SNX22: variants seen among roughly 807,000 people sequenced by gnomAD.
SNX22 encodes sorting nexin-22.
A neutral mutation model predicts 24.7 loss-of-function variants in SNX22; 23 were observed. The ratio of observed to expected loss-of-function variants is 0.93; its 90% CI spans 0.67 to 1.32. The LOEUF (loss-of-function observed/expected upper bound fraction) is 1.32, where lower values mean the gene tolerates loss of function less well. SNX22 is among the 40% of genes most tolerant of loss of function. The probability of loss-of-function intolerance (pLI) is 0.00; values close to 1 mark genes in which losing one functional copy is unlikely to be tolerated. For synonymous variants in SNX22, 99 were observed against 104.0 expected, an observed-to-expected ratio of 0.95 and a Z score of 0.29; for missense variants, 261 against 249.9, an observed-to-expected ratio of 1.04 and a Z score of -0.30.
chr15:64,156,030 T>A lies in SNX22; in HGVS notation c.*1522T>A. On this transcript the variant is annotated 3_prime_UTR_variant, in exon 7 of 7. Coordinates refer to ENST00000325881, the MANE Select transcript of SNX22 (RefSeq NM_024798.3). The surrounding 1 kb of genome is among the most constrained non-coding windows in gnomAD (Gnocchi z 6.4). ...GAAAGATGTCCCTGTGCCCTACTCCTTGGCGATGGCAAAGGGCTTCTCCAC... is the reference window on the plus strand; with the variant it reads ...GAAAGATGTCCCTGTGCCCTACTCCATGGCGATGGCAAAGGGCTTCTCCAC... 6.2e-7 allele frequency: 1 copy of A among 1,614,178 alleles called. No homozygotes were observed. The highest frequency in any genetic ancestry group is 8.5e-7 in the Non-Finnish European group (1 of 1,180,024).
chr15:64,152,365 C>T, intron 2 of SNX22, 39 bp downstream of exon 2: 4 of 1,487,702 alleles, frequency 2.7e-6, no homozygotes, highest in Non-Finnish European at 3.6e-6. Context: ...CCGGCCCAGC[C>T]TCTGTCCAGC....
In SNX22 at chr15:64,157,390, A is replaced by C. The variant is rs1268120394; in HGVS notation, c.*2882A>C. 1 of 178,954 alleles carries C rather than the reference A, an allele frequency of 5.6e-6. No homozygotes were observed. Among genetic ancestry groups the C allele is most frequent in the African/African-American group, 2.4e-5 (1 of 42,218 alleles). 11.1% of individuals were successfully genotyped at this position (178,954 alleles called of 1,614,324 possible). ...AGAAAGCAGCCAGAGATGTGTGGGG[A>C]GGGGCAGAAAAGAGGGGCTGCCCCT... is the stretch of plus-strand genomic sequence containing the variant. On this transcript the variant is annotated 3_prime_UTR_variant, in exon 7 of 7. Coordinates refer to ENST00000325881, the MANE Select transcript of SNX22 (RefSeq NM_024798.3). The surrounding 1 kb of genome is among the most constrained non-coding windows in gnomAD (Gnocchi z 4.2).
intron 3 of SNX22, chr15:64,153,020 G>A (rs776817627): frequency 1.6e-5 from 10 of 624,662 alleles, no homozygotes; most frequent in Admixed American, 2.9e-5. Flanking sequence ...CTGATGGCAT[G>A]TAGGGTGAGG....
rs771377300 is a variant in SNX22 at position 64,151,805 on chromosome 15, G to A, written c.30G>A (p.Gly10=). The part of the protein sequence containing the change: MLEVHIPSV[G]PEAEGPRQSP... ...TGGAAGTTCACATCCCGTCGGTGGG[G>A]CCCGAGGCCGAGGGGCCCAGGCAGA... Residue 10 remains glycine (G), a synonymous_variant, in exon 1 of 7, where the codon GGG becomes GGA. Transcript: ENST00000325881. 249 of 1,537,364 alleles carry A rather than the reference G, an allele frequency of 1.6e-4. No homozygotes were observed. Among genetic ancestry groups the A allele is most frequent in the Non-Finnish European group, 2.1e-4 (242 of 1,144,060 alleles).
At position 64,157,045 on chromosome 15, in the gene SNX22, A is replaced by G; in HGVS notation, c.*2537A>G. ...GAGTGGACTACAAGGACATAAAAGC[A>G]GCGTCCTTCCTATCTTCTGGCCTCA... On this transcript the variant is annotated 3_prime_UTR_variant, in exon 7 of 7. Transcript: ENST00000325881. This position sits in a 1 kb window ranked among gnomAD's most constrained non-coding sequence, Gnocchi z 4.2. 1.1e-6 allele frequency: 1 copy of G among 944,724 alleles called. No homozygotes were observed. Among genetic ancestry groups the G allele is most frequent in the Non-Finnish European group, 1.6e-6 (1 of 638,886 alleles). The allele number at this position is 944,724 out of a possible 1,614,324, so 58.5% of individuals were successfully genotyped here. A position where few individuals can be genotyped will look rare whatever the true frequency, so the allele number is the denominator to read the frequency against.
In SNX22 at chr15:64,155,869, G is replaced by A. The variant is rs574102477; in HGVS notation, c.*1361G>A. 241 of 1,139,308 alleles carry A rather than the reference G, an allele frequency of 2.1e-4. No individual in the cohort carries two copies. Among genetic ancestry groups the A allele is most frequent in the Admixed American group, 4.1e-4 (23 of 55,704 alleles). 70.6% of individuals were successfully genotyped at this position (1,139,308 alleles called of 1,614,324 possible). A position where few individuals can be genotyped will look rare whatever the true frequency, so the allele number is the denominator to read the frequency against. On this transcript the variant is annotated 3_prime_UTR_variant, in exon 7 of 7. Transcript: ENST00000325881. ...TTTTTATTGGTCAGTGTTGGTAGGA[G>A]TTTGTTACAAAAGTGAGTCCATGGG... is the stretch of plus-strand genomic sequence containing the variant.
Position 64,152,267 on chromosome 15 carries a change from A to T in SNX22, c.100A>T (p.Ser34Cys). The T allele has an allele frequency of 4.8e-6, 7 of 1,473,582 alleles. No homozygotes were observed. Among genetic ancestry groups the T allele is most frequent in the Non-Finnish European group, 6.2e-6 (7 of 1,121,536 alleles). The allele number at this position is 1,473,582 out of a possible 1,614,324, so 91.3% of individuals were successfully genotyped here. A position where few individuals can be genotyped will look rare whatever the true frequency, so the allele number is the denominator to read the frequency against. The change falls in exon 2 of 7, where the codon AGC becomes TGC. Residue 34 changes from serine (S) to cysteine (C), a missense_variant. Coordinates refer to ENST00000325881, the MANE Select transcript of SNX22 (RefSeq NM_024798.3). ...HMVFRVEVLC[S>C]GRRHTVPRRY... The stretch of plus-strand genomic sequence containing the variant: ...GGTGTTCCGAGTGGAGGTGCTGTGC[A>T]GCGGGCGCAGACACACGGTGCCAAG...
Position 64,155,892 on chromosome 15 carries a change from G to A in SNX22, c.*1384G>A. On this transcript the variant is annotated 3_prime_UTR_variant, in exon 7 of 7. Transcript: ENST00000325881. ...GAGTTTGTTACAAAAGTGAGTCCAT[G>A]GGCCTGTGGAATGTGAGGGGAGTGG... 1 of 1,371,842 alleles carries A rather than the reference G, an allele frequency of 7.3e-7. No homozygotes were observed. The highest frequency in any genetic ancestry group is 1.2e-5 in the South Asian group (1 of 85,704). 85.0% of individuals were successfully genotyped at this position (1,371,842 alleles called of 1,614,324 possible).
Position 64,155,837 on chromosome 15 carries a change from A to T in SNX22, c.*1329A>T. The T allele has an allele frequency of 1.3e-6, 1 of 777,096 alleles. No homozygotes were observed. The highest frequency in any genetic ancestry group is 2.0e-6 in the Non-Finnish European group (1 of 497,052). 48.1% of individuals were successfully genotyped at this position (777,096 alleles called of 1,614,324 possible). A position where few individuals can be genotyped will look rare whatever the true frequency, so the allele number is the denominator to read the frequency against. ...TTATATATTAAAAAAAAAAAAACCC[A>T]CATTTTTTTTTATTGGTCAGTGTTG... On this transcript the variant is annotated 3_prime_UTR_variant, in exon 7 of 7. Coordinates refer to ENST00000325881, the MANE Select transcript of SNX22 (RefSeq NM_024798.3).
Position 64,151,834 on chromosome 15 carries a change from C to T in SNX22, c.59C>T (p.Pro20Leu), listed in dbSNP as rs1472755492. ...GAGGCCGAGGGGCCCAGGCAGAGCC[C>T]GGAGAAAAGCCACATGGTGAGCGCG... ...GPEAEGPRQS[P>L]EKSHMVFRVE... The change falls in exon 1 of 7, where the codon CCG (proline) becomes CTG (leucine). Residue 20 changes from proline (P) to leucine (L), a missense_variant. Transcript: ENST00000325881. 2 of 1,537,752 alleles carry T rather than the reference C, an allele frequency of 1.3e-6. No homozygotes were observed. The highest frequency in any genetic ancestry group is 3.5e-4 in the Middle Eastern group (2 of 5,682).
Position 64,154,745 on chromosome 15 carries a change from A to C in SNX22, c.*237A>C. 2 of 415,482 alleles carry C rather than the reference A, an allele frequency of 4.8e-6. No homozygotes were observed. The highest frequency in any genetic ancestry group is 4.3e-5 in the East Asian group (1 of 23,296). The allele number at this position is 415,482 out of a possible 1,614,324, so 25.7% of individuals were successfully genotyped here. On this transcript the variant is annotated 3_prime_UTR_variant, in exon 7 of 7. Transcript: ENST00000325881. ...GCAGGGTCAAGAAGATAAGTAATAA[A>C]AGAGGAAGTCAGCCAGGCGCGGTGG...
At position 64,156,101 on chromosome 15, in the gene SNX22, A is replaced by C; in HGVS notation, c.*1593A>C. 1 of 1,614,168 alleles carries C rather than the reference A, an allele frequency of 6.2e-7. No individual in the cohort carries two copies. Among genetic ancestry groups the C allele is most frequent in the Non-Finnish European group, 8.5e-7 (1 of 1,180,026 alleles). ...CGATGATCACATCCTTCAGGGGTTT[A>C]TCCCGGCTGTCTGTCTTGGTGCTCT... is the stretch of plus-strand genomic sequence containing the variant. On this transcript the variant is annotated 3_prime_UTR_variant, in exon 7 of 7. Transcript: ENST00000325881. The surrounding 1 kb of genome is among the most constrained non-coding windows in gnomAD (Gnocchi z 6.4).
In SNX22 at chr15:64,155,829, A is replaced by AC; in HGVS notation, c.*1321_*1322insC. On this transcript the variant is annotated 3_prime_UTR_variant, in exon 7 of 7. Coordinates refer to ENST00000325881, the MANE Select transcript of SNX22 (RefSeq NM_024798.3). ...CCCACACATTATATATTAAAAAAAA[A>AC]AAAACCCACATTTTTTTTTATTGGT... 1.3e-6 allele frequency: 1 copy of AC among 783,134 alleles called. No individual in the cohort carries two copies. The highest frequency in any genetic ancestry group is 2.0e-6 in the Non-Finnish European group (1 of 500,342). 48.5% of individuals were successfully genotyped at this position (783,134 alleles called of 1,614,324 possible). A position where few individuals can be genotyped will look rare whatever the true frequency, so the allele number is the denominator to read the frequency against.
rs1371118829 is a variant in SNX22, at chr15:64,155,710, TC to T, written c.*1205del. On this transcript the variant is annotated 3_prime_UTR_variant, in exon 7 of 7. Coordinates refer to ENST00000325881, the MANE Select transcript of SNX22 (RefSeq NM_024798.3). Reference sequence around the variant, plus strand: ...TCCTGGGTCAAAATTTCAGGCAGGATCCCAGGGAAGGGGCAGGCACCCATTG... The same window carrying T: ...TCCTGGGTCAAAATTTCAGGCAGGATCCAGGGAAGGGGCAGGCACCCATTG... 2 of 349,120 alleles carry T rather than the reference TC, an allele frequency of 5.7e-6. No homozygotes were observed. Among genetic ancestry groups the T allele is most frequent in the African/African-American group, 4.2e-5 (2 of 47,352 alleles). The allele number at this position is 349,120 out of a possible 1,614,324, so 21.6% of individuals were successfully genotyped here. A position where few individuals can be genotyped will look rare whatever the true frequency, so the allele number is the denominator to read the frequency against.
At position 64,152,228 on chromosome 15, in the gene SNX22, C is replaced by T; in HGVS notation, c.76-15C>T. ...GGGCCTCACGCGCAGACCCGCTGCC[C>T]GCCCGCGCCGCCAGGTGTTCCGAGT... On this transcript the variant is annotated splice_polypyrimidine_tract_variant and intron_variant, in intron 1 of 6. Transcript: ENST00000325881. 7.2e-7 allele frequency: 1 copy of T among 1,391,578 alleles called. No individual in the cohort carries two copies. Among genetic ancestry groups the T allele is most frequent in the East Asian group, 3.0e-5 (1 of 33,606 alleles). 86.2% of individuals were successfully genotyped at this position (1,391,578 alleles called of 1,614,324 possible).
intron 2 of SNX22, 74 bp downstream of exon 2, chr15:64,152,400 G>C: frequency 7.0e-7 from 1 of 1,431,216 alleles, no homozygotes; most frequent in Non-Finnish European, 9.3e-7. Context: ...TGTGAGGCGG[G>C]CGGGCGAGCC....
Position 64,151,795 on chromosome 15 carries a change from C to G in SNX22, c.20C>G (p.Pro7Arg). Residue 7 changes from proline (P) to arginine (R), a missense_variant, in exon 1 of 7, where the codon CCG (proline) becomes CGG (arginine). Pro to Arg is a moderately radical substitution (Grantham distance 103). Transcript: ENST00000325881. MLEVHIPSVGPEAEGPR... is the reference protein window; with the variant it reads MLEVHIRSVGPEAEGPR... The stretch of plus-strand genomic sequence containing the variant: ...GCGCGGATGCTGGAAGTTCACATCC[C>G]GTCGGTGGGGCCCGAGGCCGAGGGG... The G allele has an allele frequency of 2.6e-6, 4 of 1,516,862 alleles. No individual in the cohort carries two copies. The highest frequency in any genetic ancestry group is 3.5e-6 in the Non-Finnish European group (4 of 1,132,006). The allele number at this position is 1,516,862 out of a possible 1,614,324, so 94.0% of individuals were successfully genotyped here. A position where few individuals can be genotyped will look rare whatever the true frequency, so the allele number is the denominator to read the frequency against.
In SNX22 at chr15:64,154,669, T is replaced by A; in HGVS notation, c.*161T>A. Reference sequence around the variant, plus strand: ...TCAAGGCTCAGAACTTGGCTCGCATTGGTAGCTGGAGGTGGTAGAATTTGT... The same window carrying A: ...TCAAGGCTCAGAACTTGGCTCGCATAGGTAGCTGGAGGTGGTAGAATTTGT... On this transcript the variant is annotated 3_prime_UTR_variant, in exon 7 of 7. Transcript: ENST00000325881. The A allele has an allele frequency of 1.1e-6, 1 of 908,668 alleles. No individual in the cohort carries two copies. The highest frequency in any genetic ancestry group is 1.7e-6 in the Non-Finnish European group (1 of 604,056). 56.3% of individuals were successfully genotyped at this position (908,668 alleles called of 1,614,324 possible).
chr15:64,152,207 C>G (rs1485549025), intron 1 of SNX22, 36 bp from the exon 2 acceptor site: 2 of 1,378,992 alleles, frequency 1.5e-6, no homozygotes, highest in African/African-American at 3.1e-5. Flanking sequence ...CCCGCGGGGC[C>G]TCACGCGCAG....
Sources: gnomAD v4.1 joint callset for allele counts on GRCh38, gnomAD v4.1.1 for gene constraint, Gnocchi (gnomAD v3.1) non-coding constraint, MANE v1.5 for transcripts, NCBI Gene and HGNC (gene_info 2026-07-23, HGNC 2026-07-21) for gene names.